Variants in DNAH3 observed in about 807,000 individuals in gnomAD.
The protein encoded by DNAH3 is axonemal beta dynein heavy chain 3.
In DNAH3, 332 loss-of-function variants were observed where a neutral mutation model predicts 432.5. That is an observed-to-expected ratio of 0.77 (90% CI 0.70 to 0.84). The LOEUF (loss-of-function observed/expected upper bound fraction) is 0.84. Among genes scored for constraint, DNAH3 ranks in the 40% least tolerant of loss-of-function variants. The pLI, the probability that DNAH3 is intolerant of heterozygous loss-of-function variation, is 0.00. For missense variants in DNAH3, 4,861 were observed against 5,114.0 expected (o/e 0.95, Z 1.51); for synonymous variants, 1,956 against 1,900.2 (o/e 1.03, Z -0.76).
intron 47 of DNAH3, among the ~76,000 whole-genome samples, chr16:20,986,555 C>T (rs948662662): frequency 5.3e-5 from 8 of 152,068 alleles, no homozygotes; most frequent in Non-Finnish European, 7.4e-5. Context: ...AGAGTATGAA[C>T]GCTTTAATCA....
At chr16:20,947,297 T>C (rs1315107159) in intron 57 of DNAH3, among the ~76,000 whole-genome samples, 1 of 152,204 alleles carries the variant, frequency 6.6e-6, no homozygotes, top group Non-Finnish European at 1.5e-5. Context: ...ATGGAAGTTC[T>C]CACTCCTTCC....
At chr16:20,976,512 A>C (rs185764648) in intron 50 of DNAH3, among the ~76,000 whole-genome samples, 1 of 152,344 alleles carries the variant, frequency 6.6e-6, no homozygotes, top group Admixed American at 6.5e-5. Flanking sequence ...TTTTAAAGCT[A>C]CATTTTTTTC....
intron 10 of DNAH3, among the ~76,000 whole-genome samples, chr16:21,121,452 G>GA (rs1174670734): frequency 1.3e-5 from 2 of 151,970 alleles, no homozygotes; most frequent in African/African-American, 2.4e-5. Context: ...AACTGAAATT[G>GA]AAAAAAAGTT....
chr16:21,060,321 C>G (rs1335854404), exon 26 of DNAH3: 1 of 1,613,954 alleles, frequency 6.2e-7, no homozygotes, highest in South Asian at 1.1e-5. Flanking sequence ...CCAGCATCAT[C>G]TGCTCCACCT....
intron 37 of DNAH3, among the ~76,000 whole-genome samples, chr16:21,028,947 A>G (rs1310874644): frequency 6.6e-6 from 1 of 152,212 alleles, no homozygotes; most frequent in African/African-American, 2.4e-5. Context: ...AACTTGAAAC[A>G]GGTCACTGCC....
chr16:21,152,420 G>A (rs2092862715), intron 1 of DNAH3, among the ~76,000 whole-genome samples: 1 of 152,238 alleles, frequency 6.6e-6, no homozygotes, highest in Non-Finnish European at 1.5e-5. Flanking sequence ...CATAGTGAGA[G>A]GTGACAGCGT....
intron 37 of DNAH3, among the ~76,000 whole-genome samples, chr16:21,030,119 G>T (rs1377490083): frequency 6.6e-6 from 1 of 152,130 alleles, no homozygotes; most frequent in African/African-American, 2.4e-5. Context: ...AGCCTATAGG[G>T]CCCAGCCCAT....
intron 49 of DNAH3, 133 bp from the exon 50 acceptor site, chr16:20,979,679 G>C (rs1229465431): frequency 1.3e-6 from 1 of 772,758 alleles, no homozygotes; most frequent in African/African-American, 1.7e-5. Context: ...CAAACTCTCT[G>C]AGGACATGTC....
rs1567732533 is a variant in DNAH3, at chr16:21,067,770, G to GGGGGGGGGA, written c.3382-352_3382-351insTCCCCCCCC. On this transcript the variant is annotated intron_variant, in intron 23 of 61. Transcript: ENST00000261383. ...GAAAGCCAGTCTTGGGGGGGGGGGT[G>GGGGGGGGGA]GGGAGGGAGAGAGAGAGAGAGAGAG... Among the ~76,000 whole-genome samples the GGGGGGGGGA allele has an allele frequency of 1.9e-3, 40 of 20,584 alleles. 2 individuals are homozygous for GGGGGGGGGA. Among genetic ancestry groups the GGGGGGGGGA allele is most frequent in the Middle Eastern group, 0.015 (1 of 68 alleles). 13.5% of individuals were successfully genotyped at this position (20,584 alleles called of 152,430 possible).
chr16:20,939,724 A>G (rs1260834977), intron 59 of DNAH3, among the ~76,000 whole-genome samples: 2 of 152,152 alleles, frequency 1.3e-5, no homozygotes, highest in African/African-American at 4.8e-5. Flanking sequence ...AAAATGAAGC[A>G]GTGACCCAAT....
At chr16:21,024,892 AC>A (rs1474360560) in intron 38 of DNAH3, among the ~76,000 whole-genome samples, 191 bp from the exon 39 acceptor site, 1 of 152,056 alleles carries the variant, frequency 6.6e-6, no homozygotes, top group African/African-American at 2.4e-5. Context: ...TCCTTCATAT[AC>A]AGTTTTATAG....
At chr16:21,096,115 T>C (rs528893779) in intron 18 of DNAH3, among the ~76,000 whole-genome samples, 25 of 150,210 alleles carry the variant, frequency 1.7e-4, no homozygotes, top group African/African-American at 6.1e-4. Context: ...TGCTAAAGGC[T>C]CAAACCTAAG....
intron 23 of DNAH3, 116 bp downstream of exon 23, chr16:21,069,299 G>T: frequency 1.1e-6 from 1 of 916,262 alleles, no homozygotes; most frequent in Non-Finnish European, 1.7e-6. Context: ...GATATAAAAA[G>T]ATTGATTTTC....
intron 41 of DNAH3, among the ~76,000 whole-genome samples, chr16:21,006,645 TG>T: frequency 6.6e-6 from 1 of 152,298 alleles, no homozygotes; most frequent in East Asian, 1.9e-4. Context: ...TCATATAATA[TG>T]TGTTCTTTTG....
chr16:21,062,540 A>G, exon 25 of DNAH3: 1 of 1,614,190 alleles, frequency 6.2e-7, no homozygotes, highest in Non-Finnish European at 8.5e-7. Flanking sequence ...TTCCGAGCTG[A>G]TCATGCCCAC....
At chr16:21,062,664 C>T (rs1254262390) in exon 25 of DNAH3, 7 of 1,613,212 alleles carry the variant, frequency 4.3e-6, no homozygotes, top group Admixed American at 3.3e-5. Context: ...AGCAGCTCAT[C>T]GTTTGATAGG....
At chr16:21,035,872 G>A (rs914813196) in intron 35 of DNAH3, among the ~76,000 whole-genome samples, 14 of 152,172 alleles carry the variant, frequency 9.2e-5, no homozygotes, top group Non-Finnish European at 7.3e-5. Flanking sequence ...AACTTCACTT[G>A]TAACTCACAT....
chr16:21,133,403 C>T (rs951455780), intron 7 of DNAH3, among the ~76,000 whole-genome samples: 5 of 148,298 alleles, frequency 3.4e-5, no homozygotes, highest in Admixed American at 6.8e-5. Flanking sequence ...AGCCCGCACA[C>T]ACTTCATAGG....
At chr16:21,035,613 G>C (rs994207260) in intron 35 of DNAH3, among the ~76,000 whole-genome samples, 3 of 152,144 alleles carry the variant, frequency 2.0e-5, no homozygotes, top group African/African-American at 4.8e-5. Flanking sequence ...GTGAGTACAT[G>C]AATGTTCTGC....
Sources: gnomAD v4.1 joint callset for allele counts (sites outside exome capture counted in the v4.1 genomes callset) on GRCh38, gnomAD v4.1.1 for gene constraint, MANE v1.5 for transcripts, NCBI Gene and HGNC (gene_info 2026-07-23, HGNC 2026-07-21) for gene names.